CLSTN2: variants seen among roughly 807,000 people sequenced by gnomAD.
CLSTN2 encodes calsyntenin-2.
Under a neutral mutation model 101.2 loss-of-function variants are expected in CLSTN2, and 48 were observed. The observed-to-expected ratio is 0.47, with a 90% CI of 0.38 to 0.60. CLSTN2 has a LOEUF of 0.60. CLSTN2 is among the 20% of genes least tolerant of loss of function. CLSTN2 has a pLI of 0.00. For synonymous variants in CLSTN2, 481 were observed against 463.6 expected (o/e 1.04, Z -0.48); for missense variants, 1,160 against 1,238.2 (o/e 0.94, Z 0.95).
intron 1 of CLSTN2, among the ~76,000 whole-genome samples, chr3:140,151,003 A>G (rs1047336806): frequency 6.6e-6 from 1 of 151,738 alleles, no homozygotes; most frequent in East Asian, 1.9e-4. Context: ...TGGTTTTATC[A>G]CTGATGTTGG....
At chr3:140,402,128 A>G (rs914140804) in intron 2 of CLSTN2, among the ~76,000 whole-genome samples, 2 of 152,236 alleles carry the variant, frequency 1.3e-5, no homozygotes, top group African/African-American at 4.8e-5. Context: ...TAAGATTGGT[A>G]TTGATTGAAC....
chr3:140,129,751 G>A (rs2009493931), intron 1 of CLSTN2, among the ~76,000 whole-genome samples: 1 of 152,156 alleles, frequency 6.6e-6, no homozygotes, highest in Non-Finnish European at 1.5e-5. Context: ...TCAGGCACCA[G>A]ATCAGCTGGG....
intron 1 of CLSTN2, among the ~76,000 whole-genome samples, chr3:140,051,582 GT>G (rs999387202): frequency 3.4e-4 from 51 of 152,174 alleles, no homozygotes; most frequent in African/African-American, 1.2e-3. Context: ...TCACACGCGT[GT>G]TTCTCCATCT....
intron 1 of CLSTN2, among the ~76,000 whole-genome samples, chr3:139,956,301 T>C (rs1169784327): frequency 6.6e-6 from 1 of 152,210 alleles, no homozygotes; most frequent in Non-Finnish European, 1.5e-5. Context: ...CTCTACTTTG[T>C]ACTCATTGAA....
intron 2 of CLSTN2, among the ~76,000 whole-genome samples, chr3:140,241,746 A>G (rs533994451): frequency 2.0e-5 from 3 of 151,666 alleles, no homozygotes; most frequent in Non-Finnish European, 4.4e-5. Context: ...TGACAGGCAC[A>G]CAATTTAATC....
At chr3:140,226,835 G>C (rs377154003) in intron 2 of CLSTN2, among the ~76,000 whole-genome samples, 2 of 152,210 alleles carry the variant, frequency 1.3e-5, no homozygotes, top group African/African-American at 4.8e-5. Flanking sequence ...AGCAAAGGGA[G>C]AGTTTGTGCA....
intron 2 of CLSTN2, among the ~76,000 whole-genome samples, chr3:140,284,536 T>C (rs368982051): frequency 7.2e-5 from 11 of 152,098 alleles, no homozygotes; most frequent in African/African-American, 2.7e-4. Flanking sequence ...ATCAGGCCTG[T>C]GTTGCATTGT....
chr3:140,459,143 G>T (rs1933491399), intron 6 of CLSTN2, among the ~76,000 whole-genome samples: 1 of 152,176 alleles, frequency 6.6e-6, no homozygotes, highest in African/African-American at 2.4e-5. Context: ...TGGCTGGCAG[G>T]TTAACAGATG....
At chr3:140,331,612 T>C (rs1269960257) in intron 2 of CLSTN2, among the ~76,000 whole-genome samples, 1 of 152,226 alleles carries the variant, frequency 6.6e-6, no homozygotes, top group Non-Finnish European at 1.5e-5. Flanking sequence ...TGGACATCTT[T>C]TTCCAGTTCA....
At chr3:140,317,578 T>G (rs1216000384) in intron 2 of CLSTN2, among the ~76,000 whole-genome samples, 1 of 152,180 alleles carries the variant, frequency 6.6e-6, no homozygotes, top group Non-Finnish European at 1.5e-5. Context: ...CTCCAGACTT[T>G]GTTTCTCACC....
intron 8 of CLSTN2, among the ~76,000 whole-genome samples, chr3:140,486,179 C>A (rs1436014769): frequency 1.3e-5 from 2 of 151,926 alleles, no homozygotes; most frequent in Non-Finnish European, 1.5e-5. Context: ...CAACATTTTA[C>A]TGAAAACTTT....
intron 2 of CLSTN2, among the ~76,000 whole-genome samples, chr3:140,254,768 G>A (rs1307884844): frequency 6.6e-6 from 1 of 152,064 alleles, no homozygotes; most frequent in Non-Finnish European, 1.5e-5. Flanking sequence ...CCTCAGTCCT[G>A]GAAAAATTTT....
intron 2 of CLSTN2, among the ~76,000 whole-genome samples, chr3:140,384,140 T>C (rs1037873217): frequency 2.0e-5 from 3 of 152,024 alleles, no homozygotes; most frequent in Admixed American, 6.5e-5. Context: ...GAAAAGAAAA[T>C]GAAAGTTGTT....
At chr3:140,270,209 T>C (rs1361006429) in intron 2 of CLSTN2, among the ~76,000 whole-genome samples, 1 of 152,202 alleles carries the variant, frequency 6.6e-6, no homozygotes, top group Non-Finnish European at 1.5e-5. Flanking sequence ...GCCTCTTACC[T>C]GTGATACTTG....
intron 1 of CLSTN2, among the ~76,000 whole-genome samples, chr3:140,033,618 G>T (rs1453446471): frequency 6.6e-6 from 1 of 152,148 alleles, no homozygotes; most frequent in Admixed American, 6.5e-5. Flanking sequence ...AATGAAACAG[G>T]CAGCCATTAG....
chr3:140,412,432 G>A lies in CLSTN2; in HGVS notation c.637+7666G>A, dbSNP rs536575843. Among the ~76,000 whole-genome samples the A allele has an allele frequency of 1.5e-4, 23 of 152,272 alleles. No individual in the cohort carries two copies. The South Asian group carries it at 4.6e-3, about 30-fold the overall frequency. ...TGAACAGTCCATGCAGAGTATGAGG[G>A]GCAGCAGGACCAGGCAAGTAGTCTG... is the stretch of plus-strand genomic sequence containing the variant. On this transcript the variant is annotated intron_variant, in intron 4 of 16. Transcript: ENST00000458420.
chr3:140,563,940 C>A (rs187189240), intron 15 of CLSTN2, 21 bp from the exon 16 acceptor site: 8 of 1,610,598 alleles, frequency 5.0e-6, no homozygotes, highest in Admixed American at 1.7e-5. Context: ...CCATGTCATG[C>A]GAGTTTTTTC....
At chr3:140,367,216 C>G (rs925982818) in intron 2 of CLSTN2, among the ~76,000 whole-genome samples, 1 of 151,690 alleles carries the variant, frequency 6.6e-6, no homozygotes, top group African/African-American at 2.4e-5. Context: ...TACACTTGAT[C>G]TTAGCCAAAA....
chr3:139,988,516 A>T (rs1936065937), intron 1 of CLSTN2, among the ~76,000 whole-genome samples: 1 of 152,198 alleles, frequency 6.6e-6, no homozygotes, highest in Admixed American at 6.5e-5. Context: ...CTAGGTAATG[A>T]CATAAAAGGA....
Sources: gnomAD v4.1 joint callset for allele counts (sites outside exome capture counted in the v4.1 genomes callset) on GRCh38, gnomAD v4.1.1 for gene constraint, MANE v1.5 for transcripts, NCBI Gene and HGNC (gene_info 2026-07-23, HGNC 2026-07-21) for gene names.